KIF26B: variants seen among roughly 807,000 people sequenced by gnomAD.
KIF26B encodes kinesin family member 26B, also known as kinesin-like protein KIF26B.
KIF26B carries 63 observed loss-of-function variants against 151.2 expected under a neutral mutation model. That is an observed-to-expected ratio of 0.42 (90% confidence interval 0.34 to 0.51). The LOEUF (loss-of-function observed/expected upper bound fraction) is 0.51, where lower values mean the gene tolerates loss of function less well. Among genes scored for constraint, KIF26B ranks in the 20% least tolerant of loss-of-function variants. The pLI, the probability that KIF26B is intolerant of heterozygous loss-of-function variation, is 0.07. For missense variants in KIF26B, 2,813 were observed against 2,913.6 expected, an observed-to-expected ratio of 0.97 and a Z score of 0.79; for synonymous variants, 1,357 against 1,262.1, an observed-to-expected ratio of 1.08 and a Z score of -1.59.
intron 4 of KIF26B, among the ~76,000 whole-genome samples, chr1:245,522,582 A>T (rs1387536874): frequency 6.6e-6 from 1 of 152,204 alleles, no homozygotes; most frequent in East Asian, 1.9e-4. Flanking sequence ...TTTTCAGGGC[A>T]AAGCAACTGC....
rs535561901 is a variant in KIF26B, at chr1:245,218,382, A to C, written c.465+61699A>C. On this transcript the variant is annotated intron_variant, in intron 2 of 14. Transcript: ENST00000407071. The surrounding 1 kb of genome is among the most constrained non-coding windows in gnomAD (Gnocchi z 4.1). ...GAAGGGGAAGGGAGGGCTCAGGTGA[A>C]AAGCAGAAGGGAACTCTATGGCTGT... is the stretch of plus-strand genomic sequence containing the variant. Among the ~76,000 whole-genome samples, 7 of 152,270 alleles carry C rather than the reference A, an allele frequency of 4.6e-5. No homozygotes were observed. In the East Asian group the frequency reaches 7.7e-4, roughly 17 times the overall value.
intron 4 of KIF26B, among the ~76,000 whole-genome samples, chr1:245,463,045 T>C (rs188115147): frequency 8.3e-4 from 127 of 152,260 alleles, no homozygotes; most frequent in African/African-American, 2.6e-3. Flanking sequence ...CAATGACTGC[T>C]GAGATTCCCT....
In KIF26B at chr1:245,170,968, G is replaced by A. The variant is rs1668697455; in HGVS notation, c.465+14285G>A. ...CCATTATTTGGTGAGATGGTAACAT[G>A]TGATTACATCCCAATGGAGTTGGGC... On this transcript the variant is annotated intron_variant, in intron 2 of 14. Coordinates refer to ENST00000407071, the MANE Select transcript of KIF26B (RefSeq NM_018012.4). This position sits in a 1 kb window ranked among gnomAD's most constrained non-coding sequence, Gnocchi z 4.4. 6.6e-6 allele frequency among the ~76,000 whole-genome samples: 1 copy of A among 152,218 alleles called. No individual in the cohort carries two copies. The highest frequency in any genetic ancestry group is 1.5e-5 in the Non-Finnish European group (1 of 68,038).
chr1:245,364,179 G>A (rs765899716), intron 2 of KIF26B, among the ~76,000 whole-genome samples: 35 of 152,134 alleles, frequency 2.3e-4, no homozygotes, highest in African/African-American at 4.1e-4. Flanking sequence ...CAAAGTCTCC[G>A]CTTGTTAAAT....
Position 245,241,962 on chromosome 1 carries a change from C to T in KIF26B, c.465+85279C>T, listed in dbSNP as rs376288537. Among the ~76,000 whole-genome samples, 27 of 152,312 alleles carry T rather than the reference C, an allele frequency of 1.8e-4. No homozygotes were observed. In the East Asian group the frequency reaches 3.5e-3, roughly 20 times the overall value. On this transcript the variant is annotated intron_variant, in intron 2 of 14. Coordinates refer to ENST00000407071, the MANE Select transcript of KIF26B (RefSeq NM_018012.4). The surrounding 1 kb of genome is among the most constrained non-coding windows in gnomAD (Gnocchi z 5.0). ...GCGTTGTCATTCCTTGAAATTCTCACGCCTTCTAGATCCTCTGTGCTTTTC... is the reference window on the plus strand; with the variant it reads ...GCGTTGTCATTCCTTGAAATTCTCATGCCTTCTAGATCCTCTGTGCTTTTC...
intron 9 of KIF26B, among the ~76,000 whole-genome samples, chr1:245,613,915 T>C (rs1320610): frequency 3.2e-4 from 48 of 152,320 alleles, no homozygotes; most frequent in African/African-American, 8.2e-4. Flanking sequence ...ATTATCAAAA[T>C]AGAGCATAAG....
At chr1:245,169,221 A>G (rs1668664130) in intron 2 of KIF26B, among the ~76,000 whole-genome samples, 1 of 151,834 alleles carries the variant, frequency 6.6e-6, no homozygotes, top group African/African-American at 2.4e-5. Flanking sequence ...ACCCACAGCA[A>G]ACCCTCCATG....
chr1:245,157,017 G>C (rs902395123), intron 2 of KIF26B, among the ~76,000 whole-genome samples: 7 of 152,194 alleles, frequency 4.6e-5, no homozygotes, highest in Non-Finnish European at 7.4e-5. Flanking sequence ...CTGCGCTTTC[G>C]ATGTTTCTCC....
intron 3 of KIF26B, among the ~76,000 whole-genome samples, chr1:245,408,162 C>G (rs1478429249): frequency 2.0e-5 from 3 of 152,110 alleles, no homozygotes; most frequent in African/African-American, 7.2e-5. Context: ...TCCATCTTGA[C>G]TACTCAGTCT....
chr1:245,230,749 A>G (rs1017052294), intron 2 of KIF26B, among the ~76,000 whole-genome samples: 2 of 152,066 alleles, frequency 1.3e-5, no homozygotes, highest in African/African-American at 4.8e-5. Flanking sequence ...ATGTAAAAAA[A>G]AAAAAGAAAA....
intron 4 of KIF26B, among the ~76,000 whole-genome samples, chr1:245,532,467 G>A (rs34351065): frequency 1.2e-4 from 18 of 151,634 alleles, no homozygotes; most frequent in African/African-American, 3.6e-4. Context: ...GGATGGTCTC[G>A]ATCTCCCGAC....
At chr1:245,610,685 G>A (rs905935304) in intron 8 of KIF26B, among the ~76,000 whole-genome samples, 3 of 152,196 alleles carry the variant, frequency 2.0e-5, no homozygotes, top group Non-Finnish European at 4.4e-5. Context: ...CCACTAAGGG[G>A]TGAAAAGTCT....
chr1:245,559,450 T>A (rs1345923053), intron 5 of KIF26B, among the ~76,000 whole-genome samples: 1 of 152,210 alleles, frequency 6.6e-6, no homozygotes, highest in Non-Finnish European at 1.5e-5. Flanking sequence ...TCTTGCTCTG[T>A]CGCCCACGTT....
chr1:245,270,992 C>T (rs914031123), intron 2 of KIF26B, among the ~76,000 whole-genome samples: 1 of 152,122 alleles, frequency 6.6e-6, no homozygotes, highest in Admixed American at 6.6e-5. Flanking sequence ...GTTTTCCTAG[C>T]ACCACTTTGT....
intron 5 of KIF26B, among the ~76,000 whole-genome samples, chr1:245,576,187 A>T (rs60514410): frequency 0.02 from 2,983 of 152,254 alleles, 116 homozygotes; most frequent in African/African-American, 0.068. Flanking sequence ...GATCCTCATG[A>T]GCCCAGACTG....
intron 5 of KIF26B, among the ~76,000 whole-genome samples, chr1:245,581,490 G>T (rs1423745562): frequency 6.6e-6 from 1 of 152,134 alleles, no homozygotes; most frequent in East Asian, 1.9e-4. Context: ...CAAAGAATGG[G>T]GTCAGTTTTC....
chr1:245,175,129 T>C (rs540074066), intron 2 of KIF26B, among the ~76,000 whole-genome samples: 54 of 152,296 alleles, frequency 3.5e-4, no homozygotes, highest in Admixed American at 7.2e-4. Context: ...GTGGCTTTTG[T>C]CTTTAGCAAG....
At chr1:245,243,817 C>T (rs750855716) in intron 2 of KIF26B, among the ~76,000 whole-genome samples, 18 of 151,960 alleles carry the variant, frequency 1.2e-4, no homozygotes, top group Non-Finnish European at 2.4e-4. Flanking sequence ...TGCCACTGCA[C>T]TCTAGCCTGG....
At position 245,705,747 on chromosome 1, in the gene KIF26B, G is replaced by A. The variant is rs1348777919; in HGVS notation, c.*3141G>A. The stretch of plus-strand genomic sequence containing the variant: ...CGGGCGGTGGTGCTATTGTGTCCCT[G>A]GGAGTCACTCCACGTCGCATTGCAC... On this transcript the variant is annotated 3_prime_UTR_variant, in exon 15 of 15. Coordinates refer to ENST00000407071, the MANE Select transcript of KIF26B (RefSeq NM_018012.4). 1 of 152,166 alleles carries A rather than the reference G, an allele frequency of 6.6e-6. No individual in the cohort carries two copies. The highest frequency in any genetic ancestry group is 2.4e-5 in the African/African-American group (1 of 41,426). 9.4% of individuals were successfully genotyped at this position (152,166 alleles called of 1,614,324 possible).
Sources: allele counts gnomAD v4.1 joint callset (sites outside exome capture counted in the v4.1 genomes callset), GRCh38; gene constraint gnomAD v4.1.1; non-coding constraint Gnocchi (gnomAD v3.1); transcripts MANE v1.5; gene names NCBI Gene and HGNC (gene_info 2026-07-23, HGNC 2026-07-21).